Variants in CCDC68 observed in about 807,000 individuals in gnomAD.
The protein encoded by CCDC68 is coiled-coil domain containing 68.
Under a neutral mutation model 47.1 loss-of-function variants are expected in CCDC68, and 45 were observed. The ratio of observed to expected loss-of-function variants is 0.96; its 90% CI spans 0.75 to 1.23. CCDC68 has a LOEUF of 1.23. CCDC68 is among the 50% of genes most tolerant of loss of function. The probability of loss-of-function intolerance (pLI) is 0.00; values close to 1 mark genes in which losing one functional copy is unlikely to be tolerated. For synonymous variants in CCDC68, 131 were observed against 129.5 expected, an observed-to-expected ratio of 1.01 and a Z score of -0.08; for missense variants, 353 against 373.6, an observed-to-expected ratio of 0.94 and a Z score of 0.45.
chr18:54,920,837 T>C (rs1293108087), intron 8 of CCDC68, among the ~76,000 whole-genome samples: 1 of 152,178 alleles, frequency 6.6e-6, no homozygotes, highest in African/African-American at 2.4e-5. Context: ...AACAATCCCA[T>C]TACTGGGTAT....
chr18:54,925,539 G>A (rs948093129), intron 8 of CCDC68, among the ~76,000 whole-genome samples: 3 of 152,176 alleles, frequency 2.0e-5, no homozygotes, highest in East Asian at 1.9e-4. Context: ...AAGTAGCAAC[G>A]AAAGCCATGT....
intron 10 of CCDC68, among the ~76,000 whole-genome samples, chr18:54,915,080 C>G (rs1175996285): frequency 6.6e-6 from 1 of 152,186 alleles, no homozygotes; most frequent in African/African-American, 2.4e-5. Flanking sequence ...AGCCCAGAAC[C>G]ATATGAAGTG....
chr18:54,944,600 T>C (rs1217396671), intron 2 of CCDC68, among the ~76,000 whole-genome samples: 1 of 152,010 alleles, frequency 6.6e-6, no homozygotes, highest in Non-Finnish European at 1.5e-5. Flanking sequence ...AGGCAAAAGC[T>C]CAATGCACAT....
rs759914982 is a variant in CCDC68 at position 54,919,389 on chromosome 18, A to G, written c.684-13T>C. On this transcript the variant is annotated splice_polypyrimidine_tract_variant and intron_variant, in intron 8 of 11. Transcript: ENST00000591504. ...AAGATCCTGGCAACTGGGAATGCAA[A>G]GGGAAAAAGACCAAGAGAAAATGAT... The G allele has an allele frequency of 5.0e-6, 8 of 1,584,766 alleles. No homozygotes were observed. In the African/African-American group the frequency reaches 1.1e-4, roughly 21 times the overall value.
rs1913851168 is a variant in CCDC68 at position 54,904,257 on chromosome 18, A to C, written c.*101T>G. Reference sequence around the variant, plus strand: ...ATTGGTATGTAATAAGTTCCATTTAAATAATGGCATTTTGCCATTTTAACA... The same window carrying C: ...ATTGGTATGTAATAAGTTCCATTTACATAATGGCATTTTGCCATTTTAACA... On this transcript the variant is annotated 3_prime_UTR_variant, in exon 12 of 12. Transcript: ENST00000591504. 1.1e-6 allele frequency: 1 copy of C among 897,440 alleles called. No individual in the cohort carries two copies. The highest frequency in any genetic ancestry group is 1.7e-5 in the African/African-American group (1 of 60,026). 55.6% of individuals were successfully genotyped at this position (897,440 alleles called of 1,614,324 possible). A position where few individuals can be genotyped will look rare whatever the true frequency, so the allele number is the denominator to read the frequency against.
intron 7 of CCDC68, among the ~76,000 whole-genome samples, chr18:54,931,578 T>G (rs2044262058): frequency 1.3e-5 from 2 of 152,188 alleles, no homozygotes; most frequent in Admixed American, 6.5e-5. Flanking sequence ...CTGTCCTCAT[T>G]TATAAAATGA....
intron 1 of CCDC68, among the ~76,000 whole-genome samples, chr18:54,954,064 T>C (rs1236938361): frequency 6.8e-5 from 10 of 147,120 alleles, no homozygotes; most frequent in Admixed American, 2.7e-4. Context: ...TTCTTTTTTT[T>C]TTTTTGTTTC....
rs1555671345 is a variant in CCDC68 at position 54,901,902 on chromosome 18, T to C, written c.*2456A>G. ...TCACTGAGAAGTGTTTTTTTTTTCA[T>C]AAAAAAATATTTCAAATGATAATTT... On this transcript the variant is annotated 3_prime_UTR_variant, in exon 12 of 12. Coordinates refer to ENST00000591504, the MANE Select transcript of CCDC68 (RefSeq NM_025214.3). The C allele has an allele frequency of 1.3e-5, 2 of 151,810 alleles. No homozygotes were observed. The highest frequency in any genetic ancestry group is 2.9e-5 in the Non-Finnish European group (2 of 67,960). 9.4% of individuals were successfully genotyped at this position (151,810 alleles called of 1,614,324 possible).
At chr18:54,937,860 G>A (rs2044374045) in intron 5 of CCDC68, 97 bp downstream of exon 5, 2 of 1,026,946 alleles carry the variant, frequency 1.9e-6, no homozygotes, top group Non-Finnish European at 2.8e-6. Flanking sequence ...GATGTGTGTG[G>A]ACATCTCTCT....
intron 10 of CCDC68, among the ~76,000 whole-genome samples, chr18:54,910,654 G>C (rs1914305052): frequency 1.3e-5 from 2 of 152,232 alleles, no homozygotes; most frequent in African/African-American, 2.4e-5. Flanking sequence ...CAGGCTGTTT[G>C]TGCCAAGGGG....
Position 54,902,373 on chromosome 18 carries a change from T to C in CCDC68, c.*1985A>G, listed in dbSNP as rs79078992. On this transcript the variant is annotated 3_prime_UTR_variant, in exon 12 of 12. Coordinates refer to ENST00000591504, the MANE Select transcript of CCDC68 (RefSeq NM_025214.3). ...ATCTGAAATTTATTACAATCCAGCA[T>C]GATGAATGAGGTATAAAAGGAATCT... 1 of 152,188 alleles carries C rather than the reference T, an allele frequency of 6.6e-6. No individual in the cohort carries two copies. Among genetic ancestry groups the C allele is most frequent in the Non-Finnish European group, 1.5e-5 (1 of 68,028 alleles). 9.4% of individuals were successfully genotyped at this position (152,188 alleles called of 1,614,324 possible). A position where few individuals can be genotyped will look rare whatever the true frequency, so the allele number is the denominator to read the frequency against.
intron 7 of CCDC68, among the ~76,000 whole-genome samples, chr18:54,931,019 A>T (rs1156881345): frequency 6.6e-6 from 1 of 151,984 alleles, no homozygotes; most frequent in East Asian, 2.0e-4. Flanking sequence ...CGCCCGGCCC[A>T]CAGATACATC....
chr18:54,937,004 G>T (rs746158930), intron 5 of CCDC68, 46 bp from the exon 6 acceptor site: 1 of 1,608,578 alleles, frequency 6.2e-7, no homozygotes, highest in Admixed American at 1.7e-5. Flanking sequence ...ACAACAAAAA[G>T]TGTTAAAGGC....
intron 8 of CCDC68, among the ~76,000 whole-genome samples, chr18:54,927,733 T>C (rs28612950): frequency 0.02 from 3,085 of 152,304 alleles, 114 homozygotes; most frequent in African/African-American, 0.069. Flanking sequence ...GGGAAGAAGA[T>C]AGGAAAATTA....
intron 1 of CCDC68, among the ~76,000 whole-genome samples, chr18:54,945,798 G>C (rs2044514919): frequency 1.3e-5 from 2 of 152,178 alleles, no homozygotes; most frequent in Admixed American, 1.3e-4. Context: ...GTCTCTTACT[G>C]GGTCCTCTGA....
chr18:54,941,833 T>C (rs1334085857), intron 3 of CCDC68, among the ~76,000 whole-genome samples: 2 of 152,224 alleles, frequency 1.3e-5, no homozygotes, highest in Non-Finnish European at 2.9e-5. Flanking sequence ...TCTTGCTCTG[T>C]TGCCCAGGCT....
chr18:54,949,236 T>G (rs1415047936), intron 1 of CCDC68, among the ~76,000 whole-genome samples: 2 of 152,180 alleles, frequency 1.3e-5, no homozygotes, highest in African/African-American at 4.8e-5. Flanking sequence ...GCTCAAGTGA[T>G]CCACCCACCT....
At chr18:54,951,092 T>C (rs1395880979) in intron 1 of CCDC68, among the ~76,000 whole-genome samples, 1 of 150,620 alleles carries the variant, frequency 6.6e-6, no homozygotes, top group Non-Finnish European at 1.5e-5. Flanking sequence ...GTATTTTTAG[T>C]AGAGACGGGG....
chr18:54,906,128 C>A (rs1405591665), intron 11 of CCDC68, among the ~76,000 whole-genome samples: 1 of 151,914 alleles, frequency 6.6e-6, no homozygotes, highest in African/African-American at 2.4e-5. Flanking sequence ...TGAATCACCC[C>A]GAAACTATCC....
Sources: gnomAD v4.1 joint callset for allele counts (sites outside exome capture counted in the v4.1 genomes callset) on GRCh38, gnomAD v4.1.1 for gene constraint, MANE v1.5 for transcripts, NCBI Gene and HGNC (gene_info 2026-07-23, HGNC 2026-07-21) for gene names.